PROCR: variants seen among roughly 807,000 people sequenced by gnomAD.
PROCR encodes the protein protein C receptor, also known as endothelial protein C receptor.
A neutral mutation model predicts 24.2 loss-of-function variants in PROCR; 22 were observed. That is an observed-to-expected ratio of 0.91 (90% CI 0.65 to 1.30). The LOEUF (loss-of-function observed/expected upper bound fraction) is 1.30. Ranked by LOEUF, PROCR falls within the 50% of genes most tolerant of loss-of-function variation. The pLI, the probability that PROCR is intolerant of heterozygous loss-of-function variation, is 0.00. For synonymous variants in PROCR, 137 were observed against 139.2 expected (o/e 0.98, Z 0.11); for missense variants, 288 against 307.7 (o/e 0.94, Z 0.48).
At chr20:35,183,460 G>T (rs1265322181) in intron 1 of PROCR, among the ~76,000 whole-genome samples, 4 of 152,134 alleles carry the variant, frequency 2.6e-5, no homozygotes, top group African/African-American at 9.7e-5. Context: ...ATGATTGAAA[G>T]CTTCCTGAGG....
At chr20:35,206,033 T>A (rs993924945) in intron 1 of PROCR, among the ~76,000 whole-genome samples, 7 of 150,630 alleles carry the variant, frequency 4.6e-5, no homozygotes, top group Admixed American at 1.3e-4. Flanking sequence ...TTTTAAAAAA[T>A]TTTATTTTAT....
At chr20:35,178,520 T>TG (rs2086048019), downstream of PROCR, among the ~76,000 whole-genome samples, 2 of 52,010 alleles carry the variant, frequency 3.8e-5, no homozygotes, top group East Asian at 4.1e-4. Context: ...TTTTTTTTTT[T>TG]TTTTTTTTTT....
intron 1 of PROCR, among the ~76,000 whole-genome samples, chr20:35,206,910 C>A (rs1225697460): frequency 6.6e-6 from 1 of 152,156 alleles, no homozygotes; most frequent in Non-Finnish European, 1.5e-5. Context: ...AAGCTTTATT[C>A]ATAATTGCCA....
chr20:35,212,033 A>T (rs114443386), intron 1 of PROCR, among the ~76,000 whole-genome samples: 1,919 of 151,992 alleles, frequency 0.013, 36 homozygotes, highest in African/African-American at 0.044. Context: ...AAAAAAAAAC[A>T]AACACTGTGA....
upstream of PROCR, among the ~76,000 whole-genome samples, chr20:35,171,578 A>G (rs1712949806): frequency 6.6e-6 from 1 of 152,212 alleles, no homozygotes; most frequent in African/African-American, 2.4e-5. Flanking sequence ...TCTGAGACCA[A>G]GATCCCGGAT....
At position 35,172,107 on chromosome 20, in the gene PROCR, C is replaced by A. The variant is rs767172701; in HGVS notation, c.-48C>A. ...TCCCTAGACTGCAGCCAGCGGAGCC[C>A]GCAGCCGGCCCGAGCCAGGAACCCA... is the stretch of plus-strand genomic sequence containing the variant. On this transcript the variant is annotated 5_prime_UTR_variant, in exon 1 of 4. Coordinates refer to ENST00000216968, the MANE Select transcript of PROCR (RefSeq NM_006404.5). 1 of 1,593,298 alleles carries A rather than the reference C, an allele frequency of 6.3e-7. No individual in the cohort carries two copies. The highest frequency in any genetic ancestry group is 1.1e-5 in the South Asian group (1 of 90,620).
intron 1 of PROCR, among the ~76,000 whole-genome samples, chr20:35,215,361 G>C: frequency 6.6e-6 from 1 of 152,124 alleles, no homozygotes. Flanking sequence ...CATCTCAAAT[G>C]CTACTTCCTT....
rs2086026051 is a variant in PROCR at position 35,176,895 on chromosome 20, C to G, written c.*82C>G. Reference sequence around the variant, plus strand: ...TTCAGCTCACTGTGAAGCCAGACTCCCCAACTGAAACACCAGAAGGTTTGG... The same window carrying G: ...TTCAGCTCACTGTGAAGCCAGACTCGCCAACTGAAACACCAGAAGGTTTGG... On this transcript the variant is annotated 3_prime_UTR_variant, in exon 4 of 4. Transcript: ENST00000216968. The G allele has an allele frequency of 1.3e-6, 2 of 1,560,688 alleles. No homozygotes were observed. Among genetic ancestry groups the G allele is most frequent in the Admixed American group, 1.9e-5 (1 of 51,994 alleles).
intron 3 of PROCR, 33 bp from the exon 4 acceptor site, chr20:35,176,665 A>G: frequency 1.3e-6 from 2 of 1,584,832 alleles, no homozygotes; most frequent in Non-Finnish European, 8.6e-7. Flanking sequence ...TTGGGGGCCT[A>G]TTCTTCGGGC....
chr20:35,214,290 C>T (rs2060372764), intron 1 of PROCR, among the ~76,000 whole-genome samples: 1 of 152,022 alleles, frequency 6.6e-6, no homozygotes, highest in Non-Finnish European at 1.5e-5. Context: ...CCTACAATAT[C>T]CAGGATTCTG....
At position 35,185,323 on chromosome 20, in the gene PROCR, G is replaced by A. The variant is rs955560275; in HGVS notation, c.94+8877G>A. 1.1e-4 allele frequency among the ~76,000 whole-genome samples: 16 copies of A among 152,172 alleles called. 1 individual carries two copies. Among genetic ancestry groups the A allele is most frequent in the South Asian group, 2.1e-4 (1 of 4,836 alleles). On this transcript the variant is annotated intron_variant, in intron 1 of 1. Coordinates refer to the PROCR transcript ENST00000634509. ...TAGTACAGCTGCTATGGAAAACAGC[G>A]TGGAGATTCCTTAAAAAACTAAAAG...
intron 1 of PROCR, among the ~76,000 whole-genome samples, chr20:35,197,036 G>T (rs1186596043): frequency 6.6e-6 from 1 of 152,174 alleles, no homozygotes; most frequent in Non-Finnish European, 1.5e-5. Context: ...GGTTTATGGG[G>T]CAAGTCTATC....
intron 1 of PROCR, among the ~76,000 whole-genome samples, chr20:35,195,042 T>C (rs1205134699): frequency 2.6e-5 from 4 of 152,222 alleles, no homozygotes; most frequent in African/African-American, 9.6e-5. Context: ...GACAAAAACT[T>C]TAAAGTAGCT....
chr20:35,172,274 G>T, intron 1 of PROCR, 50 bp downstream of exon 1: 1 of 1,592,362 alleles, frequency 6.3e-7, no homozygotes, highest in African/African-American at 1.3e-5. Flanking sequence ...GAGAATCTCA[G>T]TCTATCTGGG....
At chr20:35,189,809 G>C (rs6087685) in intron 1 of PROCR, among the ~76,000 whole-genome samples, 59,429 of 151,946 alleles carry the variant, frequency 0.39, 13,625 homozygotes, top group African/African-American at 0.64. Flanking sequence ...CAATACCCTT[G>C]TTCATCTTTG....
At position 35,174,786 on chromosome 20, in the gene PROCR, G is replaced by C; in HGVS notation, c.155G>C (p.Gly52Ala). The change falls in exon 2 of 4, where the codon GGA becomes GCA. Residue 52 changes from glycine (G) to alanine (A), a missense_variant. Transcript: ENST00000216968. ...VWYQGNASLG[G>A]HLTHVLEGPD... ...TACCAGGGCAACGCGTCGCTGGGGG[G>C]ACACCTAACGCACGTGCTGGAAGGC... The C allele has an allele frequency of 6.2e-7, 1 of 1,614,008 alleles. No homozygotes were observed. Among genetic ancestry groups the C allele is most frequent in the Non-Finnish European group, 8.5e-7 (1 of 1,179,962 alleles).
intron 1 of PROCR, among the ~76,000 whole-genome samples, chr20:35,214,822 C>T (rs886244773): frequency 6.6e-6 from 1 of 151,716 alleles, no homozygotes; most frequent in African/African-American, 2.4e-5. Flanking sequence ...GAGACTGAGT[C>T]GGGGGATTGG....
downstream of PROCR, among the ~76,000 whole-genome samples, chr20:35,178,551 T>C (rs1204328426): frequency 5.7e-3 from 359 of 62,692 alleles, 16 homozygotes; most frequent in Non-Finnish European, 8.7e-3. Context: ...AGTCTCGCTC[T>C]GTCGCCCAGG....
upstream of PROCR, among the ~76,000 whole-genome samples, chr20:35,171,311 T>G (rs1027740998): frequency 1.3e-5 from 2 of 152,180 alleles, no homozygotes; most frequent in African/African-American, 2.4e-5. Flanking sequence ...GAGCAAATAT[T>G]TCATGACATA....
Sources: allele counts gnomAD v4.1 joint callset (sites outside exome capture counted in the v4.1 genomes callset), GRCh38; gene constraint gnomAD v4.1.1; transcripts MANE v1.5; gene names NCBI Gene and HGNC (gene_info 2026-07-23, HGNC 2026-07-21).